Variants in VWC2 observed in about 807,000 individuals in gnomAD.
The protein encoded by VWC2 is von Willebrand factor C domain containing 2, also known as brorin.
VWC2 carries 14 observed loss-of-function variants against 29.8 expected under a neutral mutation model. The ratio of observed to expected loss-of-function variants is 0.47; its 90% confidence interval spans 0.31 to 0.74. The LOEUF is 0.74. Among genes scored for constraint, VWC2 ranks in the 30% least tolerant of loss-of-function variants. The pLI is 0.05. For synonymous variants in VWC2, 213 were observed against 199.0 expected (o/e 1.07, Z -0.59); for missense variants, 457 against 459.8 (o/e 0.99, Z 0.05).
chr7:49,905,588 T>C (rs1793041360), intron 3 of VWC2, among the ~76,000 whole-genome samples: 1 of 152,182 alleles, frequency 6.6e-6, no homozygotes, highest in East Asian at 1.9e-4. Flanking sequence ...TGTGTGTTTG[T>C]AAACTACAAT....
chr7:49,775,395 C>T lies in VWC2; in HGVS notation c.-41C>T. ...GCTGTGAATGCGACTCGCCCCTCGG[C>T]CGCGCTCCCCGCCCGCCCGCCCGCC... is the stretch of plus-strand genomic sequence containing the variant. On this transcript the variant is annotated 5_prime_UTR_variant, in exon 2 of 4. Coordinates refer to ENST00000340652, the MANE Select transcript of VWC2 (RefSeq NM_198570.5). The T allele has an allele frequency of 7.5e-7, 1 of 1,327,638 alleles. No homozygotes were observed. The highest frequency in any genetic ancestry group is 9.6e-7 in the Non-Finnish European group (1 of 1,040,146). 82.2% of individuals were successfully genotyped at this position (1,327,638 alleles called of 1,614,324 possible).
intron 3 of VWC2, among the ~76,000 whole-genome samples, chr7:49,822,543 A>T (rs375860277): frequency 1.3e-5 from 2 of 152,154 alleles, no homozygotes; most frequent in East Asian, 3.9e-4. Context: ...AAGCGATTTG[A>T]TTCTCCTGCC....
At chr7:49,845,820 A>C (rs758778795) in intron 3 of VWC2, among the ~76,000 whole-genome samples, 5 of 152,196 alleles carry the variant, frequency 3.3e-5, no homozygotes, top group Non-Finnish European at 5.9e-5. Flanking sequence ...GTGATGTGGG[A>C]GTGGCAAACA....
intron 3 of VWC2, among the ~76,000 whole-genome samples, chr7:49,844,309 A>G (rs1288144771): frequency 6.6e-6 from 1 of 152,196 alleles, no homozygotes; most frequent in Non-Finnish European, 1.5e-5. Flanking sequence ...AAAACACTGC[A>G]GTATTTACAT....
chr7:49,787,675 T>C (rs1788331065), intron 2 of VWC2, among the ~76,000 whole-genome samples: 1 of 152,158 alleles, frequency 6.6e-6, no homozygotes, highest in Non-Finnish European at 1.5e-5. Context: ...CACACAAATG[T>C]CATGAGTGGG....
chr7:49,784,430 T>C (rs75211689), intron 2 of VWC2, among the ~76,000 whole-genome samples: 3,973 of 152,338 alleles, frequency 0.026, 205 homozygotes, highest in African/African-American at 0.091. Flanking sequence ...GCCTTGAAGT[T>C]GTGGCTGTCT....
rs548770291 is a variant in VWC2, at chr7:49,789,468, A to G, written c.697-13243A>G. ...CCACTCCTTATTACACACTTAGTTC[A>G]TGGCCTCATTTTCTTACTTGACTGG... On this transcript the variant is annotated intron_variant, in intron 2 of 3. Coordinates refer to ENST00000340652, the MANE Select transcript of VWC2 (RefSeq NM_198570.5). 3.7e-4 allele frequency among the ~76,000 whole-genome samples: 56 copies of G among 152,166 alleles called. No homozygotes were observed. The South Asian group carries it at 5.2e-3, about 14-fold the overall frequency.
intron 3 of VWC2, among the ~76,000 whole-genome samples, chr7:49,858,497 T>C (rs973101939): frequency 4.9e-5 from 7 of 143,116 alleles, no homozygotes; most frequent in African/African-American, 7.8e-5. Flanking sequence ...TAGGTGGGAA[T>C]TGAACAATGA....
At chr7:49,829,150 T>C (rs896499919) in intron 3 of VWC2, among the ~76,000 whole-genome samples, 2 of 152,224 alleles carry the variant, frequency 1.3e-5, no homozygotes, top group Non-Finnish European at 2.9e-5. Context: ...GTTGGCCTTA[T>C]TGTACCTCAA....
At chr7:49,819,098 C>T (rs1422898645) in intron 3 of VWC2, among the ~76,000 whole-genome samples, 1 of 152,186 alleles carries the variant, frequency 6.6e-6, no homozygotes. Flanking sequence ...CAACAGCTTC[C>T]TCGCTGGTCT....
At chr7:49,830,329 G>A (rs1583656431) in intron 3 of VWC2, among the ~76,000 whole-genome samples, 3 of 152,278 alleles carry the variant, frequency 2.0e-5, no homozygotes, top group South Asian at 2.1e-4. Context: ...TCACTGGGGG[G>A]TGATGAGGGC....
In VWC2 at chr7:49,912,758, A is replaced by G. The variant is rs944850969; in HGVS notation, c.*573A>G. The G allele has an allele frequency of 6.6e-6, 1 of 152,494 alleles. No individual in the cohort carries two copies. Among genetic ancestry groups the G allele is most frequent in the Non-Finnish European group, 1.5e-5 (1 of 68,074 alleles). The allele number at this position is 152,494 out of a possible 1,614,324, so 9.4% of individuals were successfully genotyped here. On this transcript the variant is annotated 3_prime_UTR_variant, in exon 4 of 4. Coordinates refer to ENST00000340652, the MANE Select transcript of VWC2 (RefSeq NM_198570.5). ...ATATATTTCCTTTTTATAATAATAT[A>G]TGGCTTTTATCTGCTTCATTCTCAG...
rs936150837 is a variant in VWC2 at position 49,916,671 on chromosome 7, G to A, written c.*4486G>A. ...CTATATGTTAAAGGCTTGTTGAATT[G>A]TATTCCATCTATTAGTTCAGAGTTA... is the stretch of plus-strand genomic sequence containing the variant. On this transcript the variant is annotated 3_prime_UTR_variant, in exon 4 of 4. Transcript: ENST00000340652. 6.6e-6 allele frequency: 1 copy of A among 152,162 alleles called. No homozygotes were observed. Among genetic ancestry groups the A allele is most frequent in the African/African-American group, 2.4e-5 (1 of 41,448 alleles). The allele number at this position is 152,162 out of a possible 1,614,324, so 9.4% of individuals were successfully genotyped here.
At chr7:49,852,806 C>T (rs554029492) in intron 3 of VWC2, among the ~76,000 whole-genome samples, 1 of 152,218 alleles carries the variant, frequency 6.6e-6, no homozygotes, top group African/African-American at 2.4e-5. Flanking sequence ...ATGTGAGGAA[C>T]ATTTGGCCAT....
At chr7:49,826,486 G>T (rs1789394234) in intron 3 of VWC2, among the ~76,000 whole-genome samples, 1 of 152,174 alleles carries the variant, frequency 6.6e-6, no homozygotes, top group African/African-American at 2.4e-5. Flanking sequence ...TTATATACAG[G>T]TGTGGTTCTA....
intron 3 of VWC2, among the ~76,000 whole-genome samples, chr7:49,817,724 A>G (rs1789178475): frequency 6.6e-6 from 1 of 152,204 alleles, no homozygotes; most frequent in Admixed American, 6.5e-5. Context: ...TTTCTAAAAC[A>G]AATGCCTTCA....
chr7:49,774,812 C>A (rs572225129), intron 1 of VWC2, among the ~76,000 whole-genome samples: 1 of 152,298 alleles, frequency 6.6e-6, no homozygotes, highest in South Asian at 2.1e-4. Flanking sequence ...ATCGTGGAGT[C>A]CTAGGAGAAG....
Position 49,918,694 on chromosome 7 carries a change from A to C in VWC2, c.*6509A>C, listed in dbSNP as rs1412844454. 2 of 152,196 alleles carry C rather than the reference A, an allele frequency of 1.3e-5. No homozygotes were observed. The highest frequency in any genetic ancestry group is 2.9e-5 in the Non-Finnish European group (2 of 68,024). The allele number at this position is 152,196 out of a possible 1,614,324, so 9.4% of individuals were successfully genotyped here. ...GGCAAACACTACAATTTCAAATTTC[A>C]TATTCTTTTATCTGATTTATTCATT... On this transcript the variant is annotated 3_prime_UTR_variant, in exon 4 of 4. Coordinates refer to ENST00000340652, the MANE Select transcript of VWC2 (RefSeq NM_198570.5).
intron 2 of VWC2, among the ~76,000 whole-genome samples, chr7:49,790,845 G>A (rs1788450354): frequency 6.6e-6 from 1 of 152,010 alleles, no homozygotes; most frequent in African/African-American, 2.4e-5. Flanking sequence ...AAGGACGGGG[G>A]AGAGGTTTAG....
Sources: allele counts gnomAD v4.1 joint callset (sites outside exome capture counted in the v4.1 genomes callset), GRCh38; gene constraint gnomAD v4.1.1; transcripts MANE v1.5; gene names NCBI Gene and HGNC (gene_info 2026-07-23, HGNC 2026-07-21).